KCNIP1: variants seen among roughly 807,000 people sequenced by gnomAD.
KCNIP1 encodes A-type potassium channel modulatory protein KCNIP1.
In KCNIP1, 18 loss-of-function variants were observed where a neutral mutation model predicts 33.0. The observed-to-expected ratio is 0.55, with a 90% confidence interval of 0.38 to 0.81. The LOEUF is 0.81. Ranked by LOEUF, KCNIP1 falls within the 30% of genes least tolerant of loss-of-function variation. The probability of loss-of-function intolerance (pLI) is 0.00; values close to 1 mark genes in which losing one functional copy is unlikely to be tolerated. For synonymous variants in KCNIP1, 93 were observed against 98.3 expected, an observed-to-expected ratio of 0.95 and a Z score of 0.32; for missense variants, 238 against 271.6, an observed-to-expected ratio of 0.88 and a Z score of 0.87.
chr5:170,693,957 C>T (rs933762399), intron 1 of KCNIP1, among the ~76,000 whole-genome samples: 4 of 152,138 alleles, frequency 2.6e-5, no homozygotes, highest in African/African-American at 9.7e-5. Flanking sequence ...GGAGAGCAGC[C>T]CCATTCACTC....
chr5:170,694,845 G>A lies in KCNIP1; in HGVS notation c.62-23913G>A, dbSNP rs76917246. 1.4e-3 allele frequency among the ~76,000 whole-genome samples: 210 copies of A among 152,236 alleles called. 2 individuals are homozygous for A. In the East Asian group the frequency reaches 0.027, roughly 19 times the overall value. On this transcript the variant is annotated intron_variant, in intron 1 of 7. Coordinates refer to ENST00000328939, the MANE Select transcript of KCNIP1 (RefSeq NM_014592.4). ...TGACAAAGGTCCATGAGCTCTGTCC[G>A]CAAAAAGCTGTTGAGTTTAAAGAAC...
chr5:170,426,313 GC>G (rs1360333467), intron 1 of KCNIP1, among the ~76,000 whole-genome samples: 5 of 150,702 alleles, frequency 3.3e-5, no homozygotes, highest in Non-Finnish European at 5.9e-5. Flanking sequence ...AGTCATATCA[GC>G]CCCCTGAGGC....
intron 1 of KCNIP1, among the ~76,000 whole-genome samples, chr5:170,519,739 G>A (rs1294540099): frequency 6.6e-6 from 1 of 152,160 alleles, no homozygotes; most frequent in African/African-American, 2.4e-5. Flanking sequence ...AAGAAAGGGA[G>A]GAAGGAAGGG....
At chr5:170,581,258 A>T (rs1757785246) in intron 1 of KCNIP1, among the ~76,000 whole-genome samples, 1 of 152,222 alleles carries the variant, frequency 6.6e-6, no homozygotes, top group African/African-American at 2.4e-5. Context: ...GCAGACAGGG[A>T]CTAACTTTCC....
intron 1 of KCNIP1, among the ~76,000 whole-genome samples, chr5:170,438,606 G>A (rs190283469): frequency 1.3e-4 from 20 of 152,180 alleles, no homozygotes; most frequent in East Asian, 3.9e-4. Flanking sequence ...CAAGCCACTC[G>A]CCCAGCCCAC....
intron 1 of KCNIP1, among the ~76,000 whole-genome samples, chr5:170,625,746 C>G (rs1404135137): frequency 6.6e-6 from 1 of 152,194 alleles, no homozygotes; most frequent in Non-Finnish European, 1.5e-5. Context: ...CCAGAGGCAG[C>G]AGGGTGTCTG....
intron 1 of KCNIP1, among the ~76,000 whole-genome samples, chr5:170,645,541 C>T (rs1760751488): frequency 6.6e-6 from 1 of 152,190 alleles, no homozygotes. Flanking sequence ...CTTAACACCC[C>T]TCTACCAGAA....
At chr5:170,680,611 G>A (rs72834428) in intron 1 of KCNIP1, 17,532 of 152,544 alleles carry the variant, frequency 0.11, 1,070 homozygotes, top group East Asian at 0.19. Flanking sequence ...ACTGGGAAGT[G>A]AAGACAAATT....
chr5:170,453,630 G>C (rs1756307193), intron 1 of KCNIP1, among the ~76,000 whole-genome samples: 1 of 152,186 alleles, frequency 6.6e-6, no homozygotes, highest in Non-Finnish European at 1.5e-5. Context: ...TCTGTGACTT[G>C]CTTCTAACCA....
intron 5 of KCNIP1, among the ~76,000 whole-genome samples, chr5:170,724,244 A>G (rs1375192932): frequency 1.3e-5 from 2 of 152,332 alleles, no homozygotes; most frequent in Non-Finnish European, 1.5e-5. Flanking sequence ...TAGAAAATAG[A>G]GGAGGATGGA....
At chr5:170,723,339 A>G (rs1763896875) in intron 5 of KCNIP1, among the ~76,000 whole-genome samples, 1 of 152,230 alleles carries the variant, frequency 6.6e-6, no homozygotes, top group African/African-American at 2.4e-5. Flanking sequence ...TAATTTCTGA[A>G]TCTTCACTGC....
At chr5:170,450,616 T>C (rs1756225745) in intron 1 of KCNIP1, among the ~76,000 whole-genome samples, 1 of 152,090 alleles carries the variant, frequency 6.6e-6, no homozygotes, top group African/African-American at 2.4e-5. Flanking sequence ...CACCCCTCAT[T>C]CCTGCCCCTG....
intron 1 of KCNIP1, among the ~76,000 whole-genome samples, chr5:170,384,229 G>A (rs1470959049): frequency 1.3e-5 from 2 of 152,152 alleles, no homozygotes; most frequent in Admixed American, 1.3e-4. Context: ...TGATTCTGAC[G>A]AGCAGCCAAA....
At chr5:170,487,660 C>A (rs1162146675) in intron 1 of KCNIP1, among the ~76,000 whole-genome samples, 1 of 151,884 alleles carries the variant, frequency 6.6e-6, no homozygotes, top group Non-Finnish European at 1.5e-5. Context: ...TAGCTGGAAC[C>A]ACAGGCGCAT....
At chr5:170,385,216 G>C (rs1764414977) in intron 1 of KCNIP1, 4 of 1,317,076 alleles carry the variant, frequency 3.0e-6, no homozygotes, top group Non-Finnish European at 4.3e-6. Context: ...CCTTGAATGA[G>C]GGTCAAGGAG....
chr5:170,652,480 A>AT (rs1433755897), intron 1 of KCNIP1, among the ~76,000 whole-genome samples: 68 of 75,714 alleles, frequency 9.0e-4, no homozygotes, highest in African/African-American at 5.3e-3. Flanking sequence ...TTGAGACCCT[A>AT]TTAAAAAAAA....
chr5:170,392,927 A>G lies in KCNIP1; in HGVS notation c.88+38963A>G, dbSNP rs116187001. Among the ~76,000 whole-genome samples the G allele has an allele frequency of 9.2e-3, 1,398 of 152,352 alleles. 20 individuals carry two copies. Among genetic ancestry groups the G allele is most frequent in the African/African-American group, 0.032 (1,337 of 41,564 alleles). On this transcript the variant is annotated intron_variant, in intron 1 of 7. Coordinates refer to the KCNIP1 transcript ENST00000377360. ...GTGATATGGGAGGGTATTTTTGTTT[A>G]TGAAGCACCTACTATGTACCAGGGA...
At chr5:170,611,672 CACCTTCCTCAAAGGGTA>C (rs1759159204) in intron 1 of KCNIP1, among the ~76,000 whole-genome samples, 1 of 152,198 alleles carries the variant, frequency 6.6e-6, no homozygotes, top group Non-Finnish European at 1.5e-5. Context: ...AAGCCCACTC[CACCTTCCTCAAAGGGTA>C]ACCTCTTCCT....
chr5:170,678,736 G>C (rs1264073971), intron 1 of KCNIP1, among the ~76,000 whole-genome samples: 2 of 152,172 alleles, frequency 1.3e-5, no homozygotes, highest in African/African-American at 4.8e-5. Context: ...ATGGCTGAGA[G>C]GAGAGCTTAT....
Sources: allele counts gnomAD v4.1 joint callset (sites outside exome capture counted in the v4.1 genomes callset), GRCh38; gene constraint gnomAD v4.1.1; transcripts MANE v1.5; gene names NCBI Gene and HGNC (gene_info 2026-07-23, HGNC 2026-07-21).